SLAIN1: variants seen among roughly 807,000 people sequenced by gnomAD.
SLAIN1 encodes SLAIN family member 1.
SLAIN1 carries 17 observed loss-of-function variants against 55.4 expected under a neutral mutation model. That is an observed-to-expected ratio of 0.31 (90% CI 0.21 to 0.46). The LOEUF is 0.46. SLAIN1 is among the 20% of genes least tolerant of loss of function. The pLI is 1.00. For synonymous variants in SLAIN1, 348 were observed against 337.4 expected, an observed-to-expected ratio of 1.03 and a Z score of -0.35; for missense variants, 682 against 785.1, an observed-to-expected ratio of 0.87 and a Z score of 1.57.
intron 1 of SLAIN1, among the ~76,000 whole-genome samples, chr13:77,714,725 T>C (rs1240796986): frequency 6.6e-6 from 1 of 152,198 alleles, no homozygotes; most frequent in East Asian, 1.9e-4. Context: ...TAATGTACAA[T>C]TTGATAGACT....
chr13:77,723,347 A>G (rs1370868604), intron 2 of SLAIN1, among the ~76,000 whole-genome samples: 3 of 152,204 alleles, frequency 2.0e-5, no homozygotes, highest in African/African-American at 7.2e-5. Context: ...TCAGTGCTAT[A>G]TTACCTGCTT....
At chr13:77,700,897 C>T (rs180779678) in intron 1 of SLAIN1, among the ~76,000 whole-genome samples, 12 of 152,254 alleles carry the variant, frequency 7.9e-5, no homozygotes, top group Admixed American at 3.9e-4. Flanking sequence ...CAAAAATTAT[C>T]TTCCTTGTCC....
intron 1 of SLAIN1, among the ~76,000 whole-genome samples, chr13:77,715,194 C>T (rs978336104): frequency 6.6e-6 from 1 of 152,134 alleles, no homozygotes; most frequent in East Asian, 1.9e-4. Context: ...AGACTATGTA[C>T]TCTTCCATTT....
intron 4 of SLAIN1, among the ~76,000 whole-genome samples, chr13:77,752,565 C>T (rs982149832): frequency 1.3e-5 from 2 of 152,048 alleles, no homozygotes; most frequent in Non-Finnish European, 2.9e-5. Context: ...TTGACTCACA[C>T]GATCACAAGG....
chr13:77,741,507 C>G (rs901316937), intron 2 of SLAIN1: 23 of 855,056 alleles, frequency 2.7e-5, no homozygotes, highest in Non-Finnish European at 7.1e-6. Flanking sequence ...TTCACAGTTT[C>G]ATGAAATGTG....
At chr13:77,741,392 AG>A in intron 2 of SLAIN1, 1 of 987,480 alleles carries the variant, frequency 1.0e-6, no homozygotes, top group African/African-American at 1.7e-5. Context: ...AGGAACTGGA[AG>A]TGCATGTCTG....
chr13:77,746,570 G>A lies in SLAIN1; in HGVS notation c.973G>A (p.Val325Met). 6.2e-7 allele frequency: 1 copy of A among 1,613,444 alleles called. No individual in the cohort carries two copies. Among genetic ancestry groups the A allele is most frequent in the Non-Finnish European group, 8.5e-7 (1 of 1,179,620 alleles). ...ATCTGTATCAAGACATAGTTCCAGT[G>A]TGTCATTGAGTTCAGGAAAAAAAGG... ...SASVSRHSSSVSLSSGKKGTC... is the reference protein window; with the variant it reads ...SASVSRHSSSMSLSSGKKGTC... Residue 325 changes from valine to methionine, a missense_variant, in exon 4 of 7, where the codon GTG (valine) becomes ATG (methionine). Physicochemically the swap from Val to Met is conservative, Grantham distance 21 (BLOSUM62 1). This residue lies in a region of SLAIN1 where 37 missense variants were observed against 72.6 expected (regional missense o/e 0.51). Coordinates refer to ENST00000418532, the MANE Select transcript of SLAIN1 (RefSeq NM_001242868.2).
chr13:77,719,537 A>G lies in SLAIN1; in HGVS notation c.632A>G (p.Tyr211Cys). 1 of 1,611,948 alleles carries G rather than the reference A, an allele frequency of 6.2e-7. No individual in the cohort carries two copies. The highest frequency in any genetic ancestry group is 8.5e-7 in the Non-Finnish European group (1 of 1,178,714). ...TGTAGATTTCTTTTTTTAAGGTTAT[A>G]CATTGGCTCTTCAAAGACGTTCACC... ...WRDEDDYTWLYIGSSKTFTSS... is the reference protein window; with the variant it reads ...WRDEDDYTWLCIGSSKTFTSS... Residue 211 changes from tyrosine (Y) to cysteine (C), a missense_variant, in exon 2 of 7, where the codon TAC (tyrosine) becomes TGC (cysteine). Tyr to Cys is a radical substitution (Grantham distance 194). Around this residue, in one of 3 missense-constraint regions of SLAIN1, gnomAD observed 401 missense variants for 417.3 expected, o/e 0.96. Transcript: ENST00000418532.
At chr13:77,711,447 C>T (rs558880748) in intron 1 of SLAIN1, among the ~76,000 whole-genome samples, 22 of 147,638 alleles carry the variant, frequency 1.5e-4, no homozygotes, top group African/African-American at 5.7e-4. Context: ...CTATAAATAC[C>T]TCTATGAAAA....
chr13:77,742,993 G>T (rs1219437262), intron 2 of SLAIN1: 2 of 1,262,862 alleles, frequency 1.6e-6, no homozygotes, highest in Non-Finnish European at 1.0e-6. Context: ...GCTAACTGCT[G>T]CTATTTTCTG....
intron 5 of SLAIN1, among the ~76,000 whole-genome samples, chr13:77,755,199 G>A (rs1197990886): frequency 6.6e-6 from 1 of 152,062 alleles, no homozygotes; most frequent in Non-Finnish European, 1.5e-5. Context: ...CATGTCAGTA[G>A]TCCTAGCTAC....
chr13:77,749,155 G>T (rs1383479337), intron 4 of SLAIN1, among the ~76,000 whole-genome samples: 1 of 152,054 alleles, frequency 6.6e-6, no homozygotes, highest in African/African-American at 2.4e-5. Context: ...AATATAGATA[G>T]AAAATAATTG....
At chr13:77,741,419 T>G (rs770765113) in intron 2 of SLAIN1, 11 of 987,264 alleles carry the variant, frequency 1.1e-5, no homozygotes, top group Non-Finnish European at 1.3e-5. Context: ...TGGCTCCGAT[T>G]GGGAAAAGCT....
At chr13:77,731,334 G>A (rs1395988986) in intron 2 of SLAIN1, among the ~76,000 whole-genome samples, 1 of 152,132 alleles carries the variant, frequency 6.6e-6, no homozygotes, top group Non-Finnish European at 1.5e-5. Flanking sequence ...TGTCTTTAAA[G>A]TTTTAAGGAA....
intron 1 of SLAIN1, among the ~76,000 whole-genome samples, chr13:77,713,786 A>G (rs2091177270): frequency 1.3e-5 from 2 of 152,188 alleles, no homozygotes; most frequent in African/African-American, 4.8e-5. Context: ...GCCCATCAAT[A>G]GTAGACTGGA....
At chr13:77,734,148 C>A (rs1445365846) in intron 2 of SLAIN1, among the ~76,000 whole-genome samples, 1 of 151,908 alleles carries the variant, frequency 6.6e-6, no homozygotes, top group Non-Finnish European at 1.5e-5. Flanking sequence ...GAAGTTTATA[C>A]CTGAGAGGAT....
intron 2 of SLAIN1, among the ~76,000 whole-genome samples, chr13:77,735,804 C>T (rs1873088448): frequency 6.6e-6 from 1 of 152,176 alleles, no homozygotes; most frequent in African/African-American, 2.4e-5. Context: ...TGTGGCTGTG[C>T]TCTCATTTTG....
chr13:77,730,856 A>T (rs1025956552), intron 2 of SLAIN1, among the ~76,000 whole-genome samples: 1 of 152,174 alleles, frequency 6.6e-6, no homozygotes, highest in African/African-American at 2.4e-5. Context: ...CAGTAAAAGG[A>T]TACCTGCTGG....
At chr13:77,754,222 C>T (rs79072654) in intron 5 of SLAIN1, among the ~76,000 whole-genome samples, 1 of 152,316 alleles carries the variant, frequency 6.6e-6, no homozygotes, top group Non-Finnish European at 1.5e-5. Context: ...TAGCTTTTCT[C>T]CCTCAAACTT....
Sources: allele counts gnomAD v4.1 joint callset (sites outside exome capture counted in the v4.1 genomes callset), GRCh38; gene constraint gnomAD v4.1.1; regional missense constraint gnomAD v4.1.1; transcripts MANE v1.5; gene names NCBI Gene and HGNC (gene_info 2026-07-23, HGNC 2026-07-21).